The following DOCK2 variants were observed in gnomAD, a reference collection of about 807,000 sequenced individuals.
DOCK2 encodes the protein dedicator of cytokinesis protein 2.
DOCK2 carries 87 observed loss-of-function variants against 248.9 expected under a neutral mutation model. The ratio of observed to expected loss-of-function variants is 0.35; its 90% CI spans 0.29 to 0.42. The LOEUF is 0.42. Ranked by LOEUF, DOCK2 falls within the 10% of genes least tolerant of loss-of-function variation. The pLI, the probability that DOCK2 is intolerant of heterozygous loss-of-function variation, is 1.00. For missense variants in DOCK2, 1,747 were observed against 2,300.2 expected, an observed-to-expected ratio of 0.76 and a Z score of 4.92; for synonymous variants, 805 against 821.6, an observed-to-expected ratio of 0.98 and a Z score of 0.35.
intron 34 of DOCK2, 89 bp from the exon 35 acceptor site, chr5:170,034,310 T>G: frequency 6.6e-7 from 1 of 1,520,512 alleles, no homozygotes; most frequent in Non-Finnish European, 8.9e-7. Flanking sequence ...ACTGACTGAT[T>G]TTGCATGTGC....
At chr5:170,014,215 T>C (rs541764485) in intron 32 of DOCK2, among the ~76,000 whole-genome samples, 224 of 152,104 alleles carry the variant, frequency 1.5e-3, no homozygotes, top group African/African-American at 5.2e-3. Context: ...TCCGTCTATT[T>C]GTTTACTCAT....
intron 27 of DOCK2, among the ~76,000 whole-genome samples, chr5:169,909,601 G>A (rs1315677332): frequency 6.6e-6 from 1 of 152,314 alleles, no homozygotes; most frequent in Admixed American, 6.5e-5. Context: ...AACAGGTTTA[G>A]TTACTTGACC....
rs557693193 is a variant in DOCK2, at chr5:170,041,340, A to G, written c.3756+195A>G. On this transcript the variant is annotated intron_variant, in intron 37 of 51. Transcript: ENST00000520908. ...ACATGTGGTTTTGAGTGATCTTTAC[A>G]TTTAGCAAAAACAACCCCTCTTCGA... 5.9e-5 allele frequency among the ~76,000 whole-genome samples: 9 copies of G among 152,312 alleles called. No individual in the cohort carries two copies. The South Asian group carries it at 1.9e-3, about 32-fold the overall frequency.
intron 1 of DOCK2, among the ~76,000 whole-genome samples, chr5:169,649,873 G>A (rs184068493): frequency 7.1e-4 from 108 of 151,052 alleles, no homozygotes; most frequent in African/African-American, 2.5e-3. Context: ...GTGTAATCTC[G>A]GCTGACTGCA....
In DOCK2 at chr5:169,764,341, T is replaced by C. The variant is rs1764647446; in HGVS notation, c.2554+2716T>C. On this transcript the variant is annotated intron_variant, in intron 25 of 51. Transcript: ENST00000520908. This position sits in a 1 kb window ranked among gnomAD's most constrained non-coding sequence, Gnocchi z 4.3. ...ATTTTGGCAGACTACCCTATTGGCC[T>C]GTCATCAGAAGGATCCTATGGAGAA... 6.6e-6 allele frequency among the ~76,000 whole-genome samples: 1 copy of C among 152,168 alleles called. No homozygotes were observed. Among genetic ancestry groups the C allele is most frequent in the Non-Finnish European group, 1.5e-5 (1 of 68,038 alleles).
At chr5:169,918,730 T>C (rs1775014569) in intron 27 of DOCK2, among the ~76,000 whole-genome samples, 1 of 152,118 alleles carries the variant, frequency 6.6e-6, no homozygotes, top group Admixed American at 6.5e-5. Flanking sequence ...CTGACCAGCA[T>C]GGTGAAACCC....
chr5:170,008,237 A>AACC (rs1755142273), intron 30 of DOCK2, among the ~76,000 whole-genome samples: 1 of 146,994 alleles, frequency 6.8e-6, no homozygotes, highest in Non-Finnish European at 1.5e-5. Flanking sequence ...AAAAAAAAAA[A>AACC]ACCTAAAATT....
chr5:169,757,012 T>C (rs1456252735), intron 23 of DOCK2, among the ~76,000 whole-genome samples: 2 of 151,642 alleles, frequency 1.3e-5, no homozygotes, highest in African/African-American at 2.4e-5. Flanking sequence ...ACTTCAGAGG[T>C]TGTAAATTAG....
At position 169,926,787 on chromosome 5, in the gene DOCK2, T is replaced by A. The variant is rs114316762; in HGVS notation, c.2800-56281T>A. Among the ~76,000 whole-genome samples, 1,169 of 152,308 alleles carry A rather than the reference T, an allele frequency of 7.7e-3. 7 individuals are homozygous for A. The highest frequency in any genetic ancestry group is 0.013 in the Non-Finnish European group (853 of 68,028). ...TGCATTCATTTAGCAACTAGTTACT[T>A]ATTGAGCTTTTACTGCATCTCAGGC... is the stretch of plus-strand genomic sequence containing the variant. On this transcript the variant is annotated intron_variant, in intron 27 of 51. Transcript: ENST00000520908.
intron 36 of DOCK2, among the ~76,000 whole-genome samples, chr5:170,036,980 G>C (rs1756345164): frequency 6.6e-6 from 1 of 152,136 alleles, no homozygotes; most frequent in South Asian, 2.1e-4. Flanking sequence ...CATCCTTGTA[G>C]GCATTTAAAT....
intron 25 of DOCK2, among the ~76,000 whole-genome samples, chr5:169,762,718 A>G (rs1345899746): frequency 1.3e-5 from 2 of 152,292 alleles, no homozygotes; most frequent in South Asian, 2.1e-4. Context: ...TTTTTTCTGT[A>G]TCCTAAGACC....
intron 25 of DOCK2, chr5:169,772,895 G>T (rs374220214): frequency 6.6e-6 from 1 of 152,168 alleles, no homozygotes; most frequent in Admixed American, 6.5e-5. Context: ...TGCATTCGAG[G>T]TTACACAGCT....
At chr5:169,967,519 A>T (rs538401987) in intron 27 of DOCK2, among the ~76,000 whole-genome samples, 1 of 152,280 alleles carries the variant, frequency 6.6e-6, no homozygotes, top group South Asian at 2.1e-4. Flanking sequence ...AGTGGAAGAA[A>T]TAAGGCTGAA....
chr5:169,896,178 C>T (rs989342922), intron 27 of DOCK2, among the ~76,000 whole-genome samples: 1 of 145,516 alleles, frequency 6.9e-6, no homozygotes, highest in East Asian at 2.1e-4. Flanking sequence ...CTCCTGGGGT[C>T]GGGGGGCGGG....
intron 5 of DOCK2, among the ~76,000 whole-genome samples, chr5:169,672,421 C>T (rs1466857008): frequency 6.6e-6 from 1 of 152,222 alleles, no homozygotes; most frequent in Non-Finnish European, 1.5e-5. Context: ...GATCCTTCAA[C>T]ATCTAGTACT....
In DOCK2 at chr5:170,019,121, G is replaced by A. The variant is rs1185956029; in HGVS notation, c.3381+13G>A. On this transcript the variant is annotated intron_variant, in intron 33 of 51. Coordinates refer to ENST00000520908, the MANE Select transcript of DOCK2 (RefSeq NM_004946.3). ...GGATTTCAAAAAGGTAAAAAATGAG[G>A]CCGGAAACTCATGCCAGCATGCCTA... The A allele has an allele frequency of 3.7e-6, 6 of 1,613,862 alleles. No homozygotes were observed. Among genetic ancestry groups the A allele is most frequent in the Non-Finnish European group, 5.1e-6 (6 of 1,179,824 alleles).
intron 22 of DOCK2, among the ~76,000 whole-genome samples, chr5:169,736,483 C>T (rs916863900): frequency 6.6e-6 from 1 of 152,176 alleles, no homozygotes; most frequent in African/African-American, 2.4e-5. Flanking sequence ...CCTAGAAGTC[C>T]ACACAGGGTG....
At chr5:169,915,380 TC>T (rs558378845) in intron 27 of DOCK2, among the ~76,000 whole-genome samples, 1 of 152,306 alleles carries the variant, frequency 6.6e-6, no homozygotes, top group East Asian at 1.9e-4. Context: ...ATTGTGTTTG[TC>T]TATTTCATTT....
At chr5:169,931,810 A>T (rs1222852764) in intron 27 of DOCK2, among the ~76,000 whole-genome samples, 1 of 152,222 alleles carries the variant, frequency 6.6e-6, no homozygotes, top group East Asian at 1.9e-4. Flanking sequence ...CTAGCCCCAG[A>T]AATAACAGGA....
Sources: gnomAD v4.1 joint callset for allele counts (sites outside exome capture counted in the v4.1 genomes callset) on GRCh38, gnomAD v4.1.1 for gene constraint, Gnocchi (gnomAD v3.1) non-coding constraint, MANE v1.5 for transcripts, NCBI Gene and HGNC (gene_info 2026-07-23, HGNC 2026-07-21) for gene names.